TMPRSS13: variants seen among roughly 807,000 people sequenced by gnomAD.
TMPRSS13 encodes the protein transmembrane protease serine 13.
Under a neutral mutation model 68.4 loss-of-function variants are expected in TMPRSS13, and 50 were observed. That is an observed-to-expected ratio of 0.73 (90% CI 0.58 to 0.93). The LOEUF is 0.93. Ranked by LOEUF, TMPRSS13 falls within the 40% of genes least tolerant of loss-of-function variation. TMPRSS13 has a pLI of 0.00. For missense variants in TMPRSS13, 615 were observed against 729.2 expected (o/e 0.84, Z 1.80); for synonymous variants, 267 against 285.8 (o/e 0.93, Z 0.66).
chr11:117,908,825 G>T (rs1468230873), intron 8 of TMPRSS13, 41 bp from the exon 9 acceptor site: 3 of 1,534,358 alleles, frequency 2.0e-6, no homozygotes, highest in Middle Eastern at 1.8e-4. Flanking sequence ...TACCTGCCTG[G>T]CAGCGTTCAC....
intron 11 of TMPRSS13, 46 bp from the exon 12 acceptor site, chr11:117,903,853 A>C (rs1049457106): frequency 6.2e-7 from 1 of 1,601,048 alleles, no homozygotes; most frequent in Middle Eastern, 1.8e-4. Flanking sequence ...CAGGTGGTCC[A>C]TGAGCGGGAA....
rs986623769 is a variant in TMPRSS13, at chr11:117,917,207, G to A, written c.519C>T (p.Leu173=). 8 of 1,612,902 alleles carry A rather than the reference G, an allele frequency of 5.0e-6. No individual in the cohort carries two copies. Among genetic ancestry groups the A allele is most frequent in the Admixed American group, 3.3e-5 (2 of 60,004 alleles). The change falls in exon 3 of 13, where the codon CTC becomes CTT. Residue 173 remains leucine, a synonymous_variant. Coordinates refer to ENST00000524993, the MANE Select transcript of TMPRSS13 (RefSeq NM_001077263.3). ...GCGAAACCACCAGGGCAATGAGGAG[G>A]AGCACGCACCCGATGAGCGGTAGCT... ...QKQLPLIGCV[L]LLIALVVSLI... is the part of the protein sequence containing the mutation.
rs1471971395 is a variant in TMPRSS13, at chr11:117,922,540, C to T, written c.22-3702G>A. Among the ~76,000 whole-genome samples the T allele has an allele frequency of 2.6e-5, 4 of 152,192 alleles. No homozygotes were observed. The highest frequency in any genetic ancestry group is 5.9e-5 in the Non-Finnish European group (4 of 68,038). On this transcript the variant is annotated intron_variant, in intron 1 of 12. Coordinates refer to ENST00000524993, the MANE Select transcript of TMPRSS13 (RefSeq NM_001077263.3). This position sits in a 1 kb window ranked among gnomAD's most constrained non-coding sequence, Gnocchi z 4.2. ...ACCGCGCCCAGCCGAGACTTCTTAT[C>T]CAAGGTCCCAAGCTACAAGGGGCAG...
intron 1 of TMPRSS13, among the ~76,000 whole-genome samples, chr11:117,925,304 T>C (rs148319114): frequency 3.0e-4 from 46 of 152,310 alleles, no homozygotes; most frequent in East Asian, 1.9e-3. Flanking sequence ...AGTGCTGAAG[T>C]CCCTTCTAGT....
intron 1 of TMPRSS13, among the ~76,000 whole-genome samples, chr11:117,928,104 T>A (rs1378544647): frequency 1.3e-5 from 2 of 152,142 alleles, no homozygotes; most frequent in Non-Finnish European, 2.9e-5. Flanking sequence ...TTAGGGACCA[T>A]CTAGTTTAGG....
At chr11:117,905,045 T>C (rs4259862) in intron 10 of TMPRSS13, among the ~76,000 whole-genome samples, 66,972 of 150,388 alleles carry the variant, frequency 0.45, 15,345 homozygotes, top group East Asian at 0.64. Context: ...CAGGCACACA[T>C]CACCATGCCC....
At chr11:117,918,316 G>T in intron 2 of TMPRSS13, 93 bp downstream of exon 2, 3 of 1,405,128 alleles carry the variant, frequency 2.1e-6, no homozygotes, top group Non-Finnish European at 2.9e-6. Flanking sequence ...ATCGTTGTCT[G>T]CTATGAGAGC....
Position 117,905,642 on chromosome 11 carries a change from T to G in TMPRSS13, c.1377A>C (p.Thr459=). 2 of 1,598,134 alleles carry G rather than the reference T, an allele frequency of 1.3e-6. No homozygotes were observed. The highest frequency in any genetic ancestry group is 1.7e-6 in the Non-Finnish European group (2 of 1,170,336). ...CCAAGCATCTTTGCCTCTTACCATC[T>G]GTCTCCCTGGTCTTGCCAAAGCCTG... ...WITGFGKTRE[T]DDKTSPFLRE... is the part of the protein sequence containing the mutation. Residue 459 remains threonine, a synonymous_variant, in exon 10 of 13, where the codon ACA becomes ACC. Coordinates refer to ENST00000524993, the MANE Select transcript of TMPRSS13 (RefSeq NM_001077263.3).
chr11:117,918,475 C>G lies in TMPRSS13; in HGVS notation c.385G>C (p.Ala129Pro), dbSNP rs767332686. 1 of 1,614,218 alleles carries G rather than the reference C, an allele frequency of 6.2e-7. No homozygotes were observed. The highest frequency in any genetic ancestry group is 1.3e-5 in the African/African-American group (1 of 75,052). Residue 129 changes from alanine (A) to proline (P), a missense_variant, in exon 2 of 13, where the codon GCT becomes CCT. By Grantham distance (27) the Ala-to-Pro change is conservative. Coordinates refer to ENST00000524993, the MANE Select transcript of TMPRSS13 (RefSeq NM_001077263.3). ...VYLVRATPVG[A>P]VPIRSSPARS... ...GCAGGAGATGATCGGATGGGTACAG[C>G]CCCCACTGGTGTTGCTCTAACAAGG...
rs765808416 is a variant in TMPRSS13, at chr11:117,918,608, TGCCTGGGCTGGA to T, written c.240_251del (p.Pro81_Ala84del). 2 of 103,324 alleles carry T rather than the reference TGCCTGGGCTGGA, an allele frequency of 1.9e-5. No homozygotes were observed. The highest frequency in any genetic ancestry group is 2.7e-5 in the Non-Finnish European group (2 of 73,828). 6.4% of individuals were successfully genotyped at this position (103,324 alleles called of 1,614,324 possible). ...GAGCCGGAGATGCCCGGGCTGGAGA[TGCCTGGGCTGGA>T]GATGCCTGGGCTGGAGATGCCCGGC... On this transcript the variant is annotated inframe_deletion, in exon 2 of 13. Transcript: ENST00000524993.
intron 3 of TMPRSS13, 77 bp downstream of exon 3, chr11:117,917,093 C>A (rs1248055985): frequency 2.4e-6 from 3 of 1,226,784 alleles, no homozygotes; most frequent in Non-Finnish European, 3.5e-6. Context: ...CCTGTCTCCC[C>A]TGCCTGCCCC....
At chr11:117,920,401 T>G (rs2057631735) in intron 1 of TMPRSS13, among the ~76,000 whole-genome samples, 1 of 152,060 alleles carries the variant, frequency 6.6e-6, no homozygotes, top group Non-Finnish European at 1.5e-5. Context: ...TGCAGTGGCA[T>G]GATCTTGGCT....
At chr11:117,908,922 C>T (rs1049956173) in intron 8 of TMPRSS13, 138 bp from the exon 9 acceptor site, 1 of 813,088 alleles carries the variant, frequency 1.2e-6, no homozygotes, top group Non-Finnish European at 1.9e-6. Context: ...TGGAGGGAAC[C>T]CTCTATCTTA....
chr11:117,927,407 C>A lies in TMPRSS13; in HGVS notation c.21+1880G>T, dbSNP rs542244144. Among the ~76,000 whole-genome samples the A allele has an allele frequency of 2.6e-4, 40 of 152,272 alleles. 2 individuals are homozygous for A. The South Asian group carries it at 7.9e-3, about 30-fold the overall frequency. ...GTACAGAAAGGTGAAGTGGCTTGCC[C>A]AAAGCTGACGGGGAACATGGTCAGT... On this transcript the variant is annotated intron_variant, in intron 1 of 12. Coordinates refer to ENST00000524993, the MANE Select transcript of TMPRSS13 (RefSeq NM_001077263.3).
At chr11:117,923,423 T>G (rs12276097) in intron 1 of TMPRSS13, among the ~76,000 whole-genome samples, 2 of 151,826 alleles carry the variant, frequency 1.3e-5, no homozygotes, top group African/African-American at 4.9e-5. Context: ...GCCCAGCCAG[T>G]GAGAGAGGGG....
intron 10 of TMPRSS13, among the ~76,000 whole-genome samples, chr11:117,904,875 A>ATATATATATATATG (rs2057448160): frequency 8.1e-5 from 1 of 12,352 alleles, no homozygotes; most frequent in African/African-American, 4.7e-4. Context: ...ATATATATAT[A>ATATATATATATATG]TATATATATA....
intron 12 of TMPRSS13, chr11:117,902,903 G>A: frequency 1.1e-6 from 1 of 915,262 alleles, no homozygotes; most frequent in Non-Finnish European, 1.3e-6. Context: ...AGTGGGAGAG[G>A]GGACTCTCTA....
Position 117,909,917 on chromosome 11 carries a change from G to A in TMPRSS13, c.998C>T (p.Ser333Leu), listed in dbSNP as rs370220993. Residue 333 changes from serine to leucine, a missense_variant, in exon 8 of 13, where the codon TCG (serine) becomes TTG (leucine). Physicochemically the swap from Ser to Leu is moderately radical, Grantham distance 145. Transcript: ENST00000524993. ...CACTTGCCAAGGCCACTTGCTATCC[G>A]AGGCCAGCGCCCCTCCCACGATCCG... is the stretch of plus-strand genomic sequence containing the variant. ...TGRIVGGALA[S>L]DSKWPWQVSL... 2.2e-5 allele frequency: 35 copies of A among 1,614,178 alleles called. No individual in the cohort carries two copies. In the South Asian group the frequency reaches 2.4e-4, roughly 11 times the overall value.
chr11:117,910,787 A>G (rs1186276827), intron 6 of TMPRSS13, 37 bp from the exon 7 acceptor site: 1 of 1,583,998 alleles, frequency 6.3e-7, no homozygotes, highest in South Asian at 1.1e-5. Context: ...AAAAGGGCAC[A>G]TTAGCTACCT....
Sources: allele counts gnomAD v4.1 joint callset (sites outside exome capture counted in the v4.1 genomes callset), GRCh38; gene constraint gnomAD v4.1.1; non-coding constraint Gnocchi (gnomAD v3.1); transcripts MANE v1.5; gene names NCBI Gene and HGNC (gene_info 2026-07-23, HGNC 2026-07-21).